PDE1C: variants seen among roughly 807,000 people sequenced by gnomAD.
PDE1C encodes dual specificity calcium/calmodulin-dependent 3',5'-cyclic nucleotide phosphodiesterase 1C.
Under a neutral mutation model 93.1 loss-of-function variants are expected in PDE1C, and 62 were observed. That is an observed-to-expected ratio of 0.67 (90% CI 0.54 to 0.82). The LOEUF (loss-of-function observed/expected upper bound fraction) is 0.82, where lower values mean the gene tolerates loss of function less well. Among genes scored for constraint, PDE1C ranks in the 40% least tolerant of loss-of-function variants. The pLI is 0.00. For synonymous variants in PDE1C, 325 were observed against 310.1 expected (o/e 1.05, Z -0.50); for missense variants, 742 against 884.6 (o/e 0.84, Z 2.04).
chr7:32,340,869 G>C (rs1783733699), intron 1 of PDE1C, among the ~76,000 whole-genome samples: 1 of 152,118 alleles, frequency 6.6e-6, no homozygotes, highest in African/African-American at 2.4e-5. Flanking sequence ...TGAATAGATG[G>C]AGCACAGAGG....
chr7:32,326,709 CAG>C (rs762402205), intron 1 of PDE1C, among the ~76,000 whole-genome samples: 6 of 152,106 alleles, frequency 3.9e-5, no homozygotes, highest in Admixed American at 6.5e-5. Context: ...ATTTTGGAGA[CAG>C]AGAGTTTAGA....
intron 2 of PDE1C, among the ~76,000 whole-genome samples, chr7:32,181,494 C>G (rs1475164382): frequency 6.6e-6 from 1 of 152,194 alleles, no homozygotes; most frequent in Non-Finnish European, 1.5e-5. Context: ...AATTAAGAAA[C>G]TCACTCAAAA....
chr7:31,814,562 C>T (rs952124411), intron 15 of PDE1C, among the ~76,000 whole-genome samples: 7 of 151,874 alleles, frequency 4.6e-5, no homozygotes, highest in East Asian at 3.9e-4. Context: ...TGGAGAACAT[C>T]GTGCTAAGCA....
chr7:31,783,665 A>G (rs1783628166), intron 16 of PDE1C: 1 of 152,050 alleles, frequency 6.6e-6, no homozygotes, highest in African/African-American at 2.4e-5. Context: ...TAAACACATC[A>G]TTAATTTTTC....
At chr7:31,966,193 T>G (rs1431858313) in intron 2 of PDE1C, among the ~76,000 whole-genome samples, 1 of 152,138 alleles carries the variant, frequency 6.6e-6, no homozygotes, top group Non-Finnish European at 1.5e-5. Flanking sequence ...GACCCATCAG[T>G]GTGCTGTATT....
At chr7:32,127,263 T>C (rs1799642443) in intron 3 of PDE1C, among the ~76,000 whole-genome samples, 1 of 152,038 alleles carries the variant, frequency 6.6e-6, no homozygotes, top group Non-Finnish European at 1.5e-5. Flanking sequence ...CATAGTTCCA[T>C]GAGCTAATAA....
intron 1 of PDE1C, among the ~76,000 whole-genome samples, chr7:32,323,400 C>T (rs948399260): frequency 6.6e-6 from 1 of 152,154 alleles, no homozygotes; most frequent in Non-Finnish European, 1.5e-5. Context: ...AAGAGCCAGT[C>T]TGAGCTAGCT....
chr7:31,998,557 C>T (rs116503616), intron 2 of PDE1C, among the ~76,000 whole-genome samples: 3,968 of 152,070 alleles, frequency 0.026, 87 homozygotes, highest in South Asian at 0.072. Flanking sequence ...ATTAGTGATC[C>T]ATAAAAGAAC....
At chr7:32,206,010 G>A (rs758907304) in intron 2 of PDE1C, among the ~76,000 whole-genome samples, 10 of 152,190 alleles carry the variant, frequency 6.6e-5, no homozygotes, top group Non-Finnish European at 1.2e-4. Flanking sequence ...CCCACCAGAA[G>A]AAACCGATTC....
chr7:31,893,524 G>A, intron 2 of PDE1C: 6 of 980,330 alleles, frequency 6.1e-6, no homozygotes, highest in Non-Finnish European at 7.3e-6. Flanking sequence ...TTTCTTTGTA[G>A]ATGAAGAATG....
At chr7:32,307,187 T>A (rs1471865540) in intron 1 of PDE1C, among the ~76,000 whole-genome samples, 1 of 152,286 alleles carries the variant, frequency 6.6e-6, no homozygotes, top group East Asian at 1.9e-4. Context: ...ATTTTTTTTT[T>A]CTTGCTCATT....
intron 2 of PDE1C, among the ~76,000 whole-genome samples, chr7:32,010,077 ATTG>A: frequency 6.6e-6 from 1 of 152,346 alleles, no homozygotes; most frequent in South Asian, 2.1e-4. Context: ...AAGACGTGAT[ATTG>A]TTAAGATATT....
chr7:31,932,838 A>T (rs1404837511), intron 2 of PDE1C, among the ~76,000 whole-genome samples: 3 of 152,134 alleles, frequency 2.0e-5, no homozygotes, highest in Non-Finnish European at 4.4e-5. Flanking sequence ...GTGATAGACT[A>T]GATAAAGAAA....
At chr7:32,191,275 G>C (rs1204470128) in intron 2 of PDE1C, among the ~76,000 whole-genome samples, 1 of 152,134 alleles carries the variant, frequency 6.6e-6, no homozygotes, top group Non-Finnish European at 1.5e-5. Context: ...TAACACCATA[G>C]TACAAGATCA....
chr7:32,070,396 C>G lies in PDE1C; in HGVS notation c.-3G>C, dbSNP rs78124500. On this transcript the variant is annotated 5_prime_UTR_variant, in exon 1 of 18. Coordinates refer to ENST00000396191, the MANE Select transcript of PDE1C (RefSeq NM_001191057.4). Reference sequence around the variant, plus strand: ...ATCTCCTTGGTTGGCGACTCCATAGCTGCAGGTAGGTGACCACTGGCGGTG... The same window carrying G: ...ATCTCCTTGGTTGGCGACTCCATAGGTGCAGGTAGGTGACCACTGGCGGTG... 1 of 1,614,174 alleles carries G rather than the reference C, an allele frequency of 6.2e-7. No individual in the cohort carries two copies. Among genetic ancestry groups the G allele is most frequent in the Admixed American group, 1.7e-5 (1 of 60,026 alleles).
At chr7:31,840,257 C>T in intron 9 of PDE1C, among the ~76,000 whole-genome samples, 1 of 152,030 alleles carries the variant, frequency 6.6e-6, no homozygotes, top group East Asian at 1.9e-4. Context: ...ACTTATATTC[C>T]ATTTGTATAC....
intron 3 of PDE1C, among the ~76,000 whole-genome samples, chr7:32,105,522 T>A (rs1479005972): frequency 6.6e-6 from 1 of 152,134 alleles, no homozygotes; most frequent in African/African-American, 2.4e-5. Flanking sequence ...TCTTTGTGGA[T>A]GATAAAGTAG....
chr7:32,396,345 G>A (rs1015030760), intron 1 of PDE1C, among the ~76,000 whole-genome samples: 5 of 152,076 alleles, frequency 3.3e-5, no homozygotes, highest in Non-Finnish European at 1.5e-5. Flanking sequence ...GGGCATGGTG[G>A]TGCGTGCCTG....
rs567183706 is a variant in PDE1C, at chr7:32,338,920, A to G, written c.310+88902T>C. Reference sequence around the variant, plus strand: ...CGGGAGGCTGAGGCAGGAGAATGGCATGAACCTGGGAGGTGGAGCTTGCAG... The same window carrying G: ...CGGGAGGCTGAGGCAGGAGAATGGCGTGAACCTGGGAGGTGGAGCTTGCAG... On this transcript the variant is annotated intron_variant, in intron 1 of 1. Transcript: ENST00000672256. Among the ~76,000 whole-genome samples, 487 of 151,508 alleles carry G rather than the reference A, an allele frequency of 3.2e-3. 3 individuals are homozygous for G. Among genetic ancestry groups the G allele is most frequent in the African/African-American group, 0.011 (458 of 41,282 alleles).
Sources: gnomAD v4.1 joint callset for allele counts (sites outside exome capture counted in the v4.1 genomes callset) on GRCh38, gnomAD v4.1.1 for gene constraint, MANE v1.5 for transcripts, NCBI Gene and HGNC (gene_info 2026-07-23, HGNC 2026-07-21) for gene names.